The following EXOC4 variants were observed in gnomAD, a reference collection of about 807,000 sequenced individuals.
EXOC4 encodes the protein exocyst complex component 4, also known as SEC8-like 1.
Under a neutral mutation model 107.2 loss-of-function variants are expected in EXOC4, and 71 were observed. The ratio of observed to expected loss-of-function variants is 0.66; its 90% CI spans 0.55 to 0.81. The LOEUF (loss-of-function observed/expected upper bound fraction) is 0.81. EXOC4 is among the 30% of genes least tolerant of loss of function. EXOC4 has a pLI of 0.00. For synonymous variants in EXOC4, 456 were observed against 441.2 expected (o/e 1.03, Z -0.42); for missense variants, 1,108 against 1,189.6 (o/e 0.93, Z 1.01).
In EXOC4 at chr7:134,064,544, T is replaced by G; in HGVS notation, c.*16T>G. 1 of 1,532,348 alleles carries G rather than the reference T, an allele frequency of 6.5e-7. No individual in the cohort carries two copies. Among genetic ancestry groups the G allele is most frequent in the Non-Finnish European group, 8.9e-7 (1 of 1,129,780 alleles). The allele number at this position is 1,532,348 out of a possible 1,614,324, so 94.9% of individuals were successfully genotyped here. On this transcript the variant is annotated 3_prime_UTR_variant, in exon 18 of 18. Coordinates refer to ENST00000253861, the MANE Select transcript of EXOC4 (RefSeq NM_021807.4). ...TACCGTTTAGCAGGGCGTACTGCGGTTGGTGACGGGGGTCCCCTCAGTCAC... is the reference window on the plus strand; with the variant it reads ...TACCGTTTAGCAGGGCGTACTGCGGGTGGTGACGGGGGTCCCCTCAGTCAC...
chr7:133,643,890 C>T (rs1802923346), intron 10 of EXOC4, among the ~76,000 whole-genome samples: 1 of 152,226 alleles, frequency 6.6e-6, no homozygotes, highest in Non-Finnish European at 1.5e-5. Flanking sequence ...TTGATGACTA[C>T]TTCCTCTACT....
intron 9 of EXOC4, among the ~76,000 whole-genome samples, chr7:133,610,888 TGCA>T (rs1802061135): frequency 6.6e-6 from 1 of 151,748 alleles, no homozygotes; most frequent in South Asian, 2.1e-4. Context: ...TAGGGCTCAC[TGCA>T]GCTGTGATCT....
At chr7:133,569,003 A>G (rs2150957368) in intron 9 of EXOC4, among the ~76,000 whole-genome samples, 1 of 152,308 alleles carries the variant, frequency 6.6e-6, no homozygotes, top group South Asian at 2.1e-4. Context: ...GCAAAGTAAA[A>G]ATAAGTAAGC....
intron 10 of EXOC4, among the ~76,000 whole-genome samples, chr7:133,654,704 C>A (rs959639187): frequency 1.3e-5 from 2 of 152,126 alleles, no homozygotes; most frequent in Non-Finnish European, 1.5e-5. Flanking sequence ...AGTCACACAT[C>A]ACTTAACCAT....
At chr7:133,674,712 T>G (rs2151061249) in intron 10 of EXOC4, among the ~76,000 whole-genome samples, 1 of 152,314 alleles carries the variant, frequency 6.6e-6, no homozygotes, top group Non-Finnish European at 1.5e-5. Flanking sequence ...CTCTTGTGAA[T>G]GAATTTAGCA....
chr7:133,762,354 A>G (rs994572218), intron 10 of EXOC4, among the ~76,000 whole-genome samples: 2 of 152,206 alleles, frequency 1.3e-5, no homozygotes, highest in African/African-American at 4.8e-5. Context: ...AATGTCATAA[A>G]TGGCTGGTGA....
At chr7:133,577,316 T>TA (rs1340177111) in intron 9 of EXOC4, among the ~76,000 whole-genome samples, 2 of 152,184 alleles carry the variant, frequency 1.3e-5, no homozygotes, top group Non-Finnish European at 2.9e-5. Context: ...TTTTCCTTTA[T>TA]AAAAAACTTT....
At chr7:133,742,498 GTAAGATGT>G (rs1243273113) in intron 10 of EXOC4, among the ~76,000 whole-genome samples, 1 of 152,196 alleles carries the variant, frequency 6.6e-6, no homozygotes, top group African/African-American at 2.4e-5. Flanking sequence ...TTCTCAACAT[GTAAGATGT>G]TATTAGTATT....
At chr7:133,970,076 A>G (rs1026698622) in intron 14 of EXOC4, among the ~76,000 whole-genome samples, 1 of 152,134 alleles carries the variant, frequency 6.6e-6, no homozygotes, top group Non-Finnish European at 1.5e-5. Context: ...CAGTCTAGCT[A>G]TAGAGGCTTT....
chr7:133,746,448 G>A (rs1795679919), intron 10 of EXOC4, among the ~76,000 whole-genome samples: 1 of 152,102 alleles, frequency 6.6e-6, no homozygotes, highest in South Asian at 2.1e-4. Context: ...TTTACTCTGT[G>A]TTAATTATCC....
chr7:133,980,991 G>C (rs770052939), intron 14 of EXOC4, among the ~76,000 whole-genome samples: 4 of 152,152 alleles, frequency 2.6e-5, no homozygotes, highest in Non-Finnish European at 5.9e-5. Flanking sequence ...AGATTAAAGG[G>C]GAGGTACTTA....
intron 10 of EXOC4, among the ~76,000 whole-genome samples, chr7:133,664,040 C>G (rs184414020): frequency 6.6e-6 from 1 of 152,246 alleles, no homozygotes; most frequent in Non-Finnish European, 1.5e-5. Context: ...TTCCTTGAAC[C>G]TTAAACATTT....
At chr7:133,884,629 G>T (rs1799042334) in intron 11 of EXOC4, among the ~76,000 whole-genome samples, 1 of 151,798 alleles carries the variant, frequency 6.6e-6, no homozygotes, top group African/African-American at 2.4e-5. Context: ...GTGCGCGCGT[G>T]TGTGATGGTG....
chr7:134,036,734 G>A (rs1261559648), intron 17 of EXOC4, among the ~76,000 whole-genome samples: 3 of 152,156 alleles, frequency 2.0e-5, no homozygotes, highest in Non-Finnish European at 2.9e-5. Context: ...ATATTCTGTA[G>A]AGACAGAAGG....
intron 2 of EXOC4, among the ~76,000 whole-genome samples, chr7:133,276,349 T>A (rs1794377254): frequency 6.6e-6 from 1 of 152,200 alleles, no homozygotes; most frequent in Non-Finnish European, 1.5e-5. Context: ...ATTTTTGAGA[T>A]CACTCCTTTA....
chr7:133,624,908 T>TAAA (rs34231637), intron 9 of EXOC4, among the ~76,000 whole-genome samples: 5 of 146,384 alleles, frequency 3.4e-5, no homozygotes, highest in East Asian at 4.0e-4. Context: ...TCATCTCTTA[T>TAAA]AAAAAAAAAA....
intron 10 of EXOC4, among the ~76,000 whole-genome samples, chr7:133,751,189 C>A (rs1795787079): frequency 6.6e-6 from 1 of 152,168 alleles, no homozygotes; most frequent in South Asian, 2.1e-4. Context: ...CCTTTTCCAA[C>A]AAAGTGACAT....
chr7:133,423,441 CTTACT>C (rs1204195762), intron 7 of EXOC4, among the ~76,000 whole-genome samples: 2 of 152,216 alleles, frequency 1.3e-5, no homozygotes, highest in African/African-American at 2.4e-5. Flanking sequence ...CACTCTCTAT[CTTACT>C]TTACATCACT....
chr7:133,295,971 G>A (rs1224031906), intron 3 of EXOC4, among the ~76,000 whole-genome samples: 1 of 152,084 alleles, frequency 6.6e-6, no homozygotes, highest in Non-Finnish European at 1.5e-5. Flanking sequence ...GTAAAACAAT[G>A]TTCCAGTATT....
Sources: gnomAD v4.1 joint callset for allele counts (sites outside exome capture counted in the v4.1 genomes callset) on GRCh38, gnomAD v4.1.1 for gene constraint, MANE v1.5 for transcripts, NCBI Gene and HGNC (gene_info 2026-07-23, HGNC 2026-07-21) for gene names.